SEM1: variants seen among roughly 807,000 people sequenced by gnomAD.
SEM1 encodes the protein 26S proteasome complex subunit SEM1.
A neutral mutation model predicts 12.7 loss-of-function variants in SEM1; 3 were observed. That is an observed-to-expected ratio of 0.24 (90% confidence interval 0.11 to 0.61). SEM1 has a LOEUF of 0.61. SEM1 is among the 20% of genes least tolerant of loss of function. SEM1 has a pLI of 0.88. For missense variants in SEM1, 59 were observed against 81.3 expected (o/e 0.73, Z 1.06); for synonymous variants, 30 against 27.8 (o/e 1.08, Z -0.25).
At chr7:96,622,372 G>A (rs1584811912), downstream of SEM1, 1 of 505,824 alleles carries the variant, frequency 2.0e-6, no homozygotes, top group Non-Finnish European at 3.5e-6. Flanking sequence ...AGAGCTTTGA[G>A]ACACAGAATG....
intron 2 of SEM1, among the ~76,000 whole-genome samples, chr7:96,642,258 A>G (rs1004400331): frequency 6.6e-6 from 1 of 152,054 alleles, no homozygotes; most frequent in African/African-American, 2.4e-5. Context: ...AAGGTTGAAG[A>G]CACCTGTTTT....
chr7:96,655,762 G>A (rs1809162208), intron 2 of SEM1, among the ~76,000 whole-genome samples: 1 of 152,102 alleles, frequency 6.6e-6, no homozygotes, highest in Non-Finnish European at 1.5e-5. Context: ...TTTGTTTTAT[G>A]ACTAGTTGCC....
chr7:96,669,310 G>A (rs964391876), downstream of SEM1, among the ~76,000 whole-genome samples: 1 of 152,200 alleles, frequency 6.6e-6, no homozygotes, highest in East Asian at 1.9e-4. Context: ...GGCTTTGCAA[G>A]TTACGTAGTC....
rs564658432 is a variant in SEM1, at chr7:96,624,342, A to T, written c.171-1699T>A. ...AAAATTTTGTGCTTAGGATTTTCAT[A>T]CCAAGCCAAGTTTAAGTTCCTCATT... is the stretch of plus-strand genomic sequence containing the variant. On this transcript the variant is annotated intron_variant, in intron 2 of 2. Transcript: ENST00000417009. Among the ~76,000 whole-genome samples the T allele has an allele frequency of 2.0e-5, 3 of 152,292 alleles. No homozygotes were observed. The South Asian group carries it at 6.2e-4, about 32-fold the overall frequency.
At chr7:96,621,274 C>T (rs1255471865), downstream of SEM1, among the ~76,000 whole-genome samples, 3 of 152,130 alleles carry the variant, frequency 2.0e-5, no homozygotes, top group African/African-American at 7.2e-5. Flanking sequence ...ATCAAACACT[C>T]TTTAAAAATT....
chr7:96,540,613 A>T (rs898516637), intron 2 of SEM1, among the ~76,000 whole-genome samples: 4 of 151,836 alleles, frequency 2.6e-5, no homozygotes, highest in Admixed American at 1.3e-4. Context: ...TTACTTTTTA[A>T]AAATAATTTC....
At chr7:96,582,522 G>A (rs925977873) in intron 2 of SEM1, among the ~76,000 whole-genome samples, 2 of 151,230 alleles carry the variant, frequency 1.3e-5, no homozygotes, top group African/African-American at 2.4e-5. Context: ...TTTTTCTATT[G>A]ATTGGAATAG....
At chr7:96,551,850 T>TGGATTCTCTAGG (rs1805288447) in intron 2 of SEM1, among the ~76,000 whole-genome samples, 1 of 152,078 alleles carries the variant, frequency 6.6e-6, no homozygotes. Flanking sequence ...AAGCATGACA[T>TGGATTCTCTAGG]GGATTCTCCC....
intron 2 of SEM1, among the ~76,000 whole-genome samples, chr7:96,594,394 A>G (rs1407615551): frequency 6.7e-6 from 1 of 150,226 alleles, no homozygotes; most frequent in Non-Finnish European, 1.5e-5. Context: ...TGGGAATATG[A>G]AAACCCCCCC....
intron 2 of SEM1, among the ~76,000 whole-genome samples, chr7:96,667,002 T>C (rs1789188980): frequency 1.3e-5 from 2 of 152,154 alleles, no homozygotes; most frequent in Non-Finnish European, 2.9e-5. Flanking sequence ...TGTTAATGCA[T>C]TGATTTGTGT....
At chr7:96,573,995 T>C (rs1320614550) in intron 2 of SEM1, among the ~76,000 whole-genome samples, 1 of 152,126 alleles carries the variant, frequency 6.6e-6, no homozygotes, top group African/African-American at 2.4e-5. Flanking sequence ...TGTAGGTTTG[T>C]TACATATGTA....
chr7:96,620,129 G>A (rs1333603965), downstream of SEM1, among the ~76,000 whole-genome samples: 3 of 152,062 alleles, frequency 2.0e-5, no homozygotes, highest in Non-Finnish European at 4.4e-5. Flanking sequence ...AACTTAGCCT[G>A]AGGGCAGGAC....
chr7:96,503,580 T>C (rs1329960593), intron 3 of SEM1: 1 of 152,120 alleles, frequency 6.6e-6, no homozygotes, highest in Non-Finnish European at 1.5e-5. Context: ...CCCTGGAAGT[T>C]TATATTTCAT....
intron 2 of SEM1, among the ~76,000 whole-genome samples, chr7:96,589,360 C>T (rs143404818): frequency 1.2e-4 from 19 of 152,302 alleles, no homozygotes; most frequent in African/African-American, 4.6e-4. Context: ...GGGTTTGAAT[C>T]CAGGCTGTGC....
chr7:96,498,502 T>A (rs1340283595), upstream of SEM1, among the ~76,000 whole-genome samples: 1 of 152,192 alleles, frequency 6.6e-6, no homozygotes, highest in Non-Finnish European at 1.5e-5. Context: ...ATTTCTATTC[T>A]GCTGTTTTCT....
At chr7:96,525,152 C>T (rs1804410156) in intron 2 of SEM1, among the ~76,000 whole-genome samples, 2 of 152,108 alleles carry the variant, frequency 1.3e-5, no homozygotes, top group Admixed American at 1.3e-4. Flanking sequence ...CCACTCTCAT[C>T]CCCACTGCTC....
intron 2 of SEM1, among the ~76,000 whole-genome samples, chr7:96,617,062 G>A (rs1807744045): frequency 6.6e-6 from 1 of 151,952 alleles, no homozygotes; most frequent in Admixed American, 6.6e-5. Context: ...ATTTCAGGAT[G>A]TTTTTTCTAA....
intron 2 of SEM1, among the ~76,000 whole-genome samples, chr7:96,595,456 G>A (rs796166492): frequency 2.6e-5 from 4 of 152,244 alleles, no homozygotes; most frequent in African/African-American, 9.6e-5. Context: ...AGGTTGTGGT[G>A]AGCCATGACT....
chr7:96,581,869 G>A lies in SEM1; in HGVS notation c.171-75171C>T, dbSNP rs369988465. Among the ~76,000 whole-genome samples, 19 of 152,126 alleles carry A rather than the reference G, an allele frequency of 1.2e-4. No homozygotes were observed. The South Asian group carries it at 3.9e-3, about 32-fold the overall frequency. ...TTGCTTATCAGCTTAAGGAGATTTT[G>A]GGCTGAGACAATGGGGTTTTCTAGA... On this transcript the variant is annotated intron_variant and NMD_transcript_variant, in intron 2 of 3. Transcript: ENST00000466986.
Sources: gnomAD v4.1 joint callset for allele counts (sites outside exome capture counted in the v4.1 genomes callset) on GRCh38, gnomAD v4.1.1 for gene constraint, MANE v1.5 for transcripts, NCBI Gene and HGNC (gene_info 2026-07-23, HGNC 2026-07-21) for gene names.